Variants in RYR2 observed in about 807,000 individuals in gnomAD.
RYR2 encodes the protein ryanodine receptor 2, also known as cardiac muscle ryanodine receptor-calcium release channel.
A neutral mutation model predicts 601.1 loss-of-function variants in RYR2; 227 were observed. That is an observed-to-expected ratio of 0.38 (90% CI 0.34 to 0.42). RYR2 has a LOEUF of 0.42. Among genes scored for constraint, RYR2 ranks in the 10% least tolerant of loss-of-function variants. RYR2 has a pLI of 1.00. For missense variants in RYR2, 4,646 were observed against 6,156.5 expected (o/e 0.75, Z 8.21); for synonymous variants, 2,223 against 2,175.1 (o/e 1.02, Z -0.61).
intron 1 of RYR2, among the ~76,000 whole-genome samples, chr1:237,242,963 C>G (rs932867336): frequency 6.6e-6 from 1 of 152,142 alleles, no homozygotes; most frequent in Non-Finnish European, 1.5e-5. Flanking sequence ...TGACTTTTTC[C>G]AGGGTTGCAA....
intron 1 of RYR2, among the ~76,000 whole-genome samples, chr1:237,248,149 G>C (rs527993370): frequency 6.6e-6 from 1 of 151,986 alleles, no homozygotes; most frequent in Non-Finnish European, 1.5e-5. Context: ...GTGCACTCCT[G>C]TAATCCCAGC....
chr1:237,513,990 A>G (rs1299795419), intron 24 of RYR2, among the ~76,000 whole-genome samples: 1 of 152,240 alleles, frequency 6.6e-6, no homozygotes, highest in Non-Finnish European at 1.5e-5. Flanking sequence ...CATCAAGTAA[A>G]TTGAGAACCT....
At chr1:237,476,803 A>G (rs1300958586) in intron 17 of RYR2, among the ~76,000 whole-genome samples, 2 of 152,222 alleles carry the variant, frequency 1.3e-5, no homozygotes, top group Non-Finnish European at 2.9e-5. Context: ...AAGAGCTCAC[A>G]TGATATTTAT....
intron 24 of RYR2, among the ~76,000 whole-genome samples, chr1:237,520,054 AT>A (rs919978655): frequency 1.3e-5 from 2 of 152,120 alleles, no homozygotes; most frequent in African/African-American, 4.8e-5. Flanking sequence ...AGGTATTTTA[AT>A]TTTTATGTGG....
intron 1 of RYR2, among the ~76,000 whole-genome samples, chr1:237,198,243 C>T (rs1680777432): frequency 6.6e-6 from 1 of 152,156 alleles, no homozygotes; most frequent in East Asian, 1.9e-4. Context: ...GTGATAAATA[C>T]AGTTTTATTA....
chr1:237,300,560 T>A (rs541409083), intron 2 of RYR2, among the ~76,000 whole-genome samples: 3 of 152,186 alleles, frequency 2.0e-5, no homozygotes, highest in Non-Finnish European at 4.4e-5. Flanking sequence ...GCTCCAGTGA[T>A]AAACTTTTCA....
chr1:237,062,385 T>C (rs1159994041), intron 1 of RYR2, among the ~76,000 whole-genome samples: 2 of 152,206 alleles, frequency 1.3e-5, no homozygotes, highest in Non-Finnish European at 2.9e-5. Flanking sequence ...ATCTTTCTTT[T>C]ATATATTTAG....
rs1681489717 is a variant in RYR2, at chr1:237,641,477, C to CTTTCTTTCTTTCTT, written c.7221+477_7221+490dup. On this transcript the variant is annotated intron_variant, in intron 47 of 104. Coordinates refer to ENST00000366574, the MANE Select transcript of RYR2 (RefSeq NM_001035.3). ...TATAAATTAGTGTCTGTCTGTCTTT[C>CTTTCTTTCTTTCTT]TTTCTTTCTTTCTTTCTTTCTTTCT... Among the ~76,000 whole-genome samples, 4 of 27,504 alleles carry CTTTCTTTCTTTCTT rather than the reference C, an allele frequency of 1.5e-4. No individual in the cohort carries two copies. The Admixed American group carries it at 2.2e-3, about 15-fold the overall frequency. 18.0% of individuals were successfully genotyped at this position (27,504 alleles called of 152,430 possible). A position where few individuals can be genotyped will look rare whatever the true frequency, so the allele number is the denominator to read the frequency against.
intron 63 of RYR2, among the ~76,000 whole-genome samples, chr1:237,696,821 C>G (rs534320732): frequency 2.1e-4 from 32 of 152,230 alleles, no homozygotes; most frequent in African/African-American, 6.7e-4. Context: ...AATATATATT[C>G]TCAAGTTCTT....
intron 1 of RYR2, among the ~76,000 whole-genome samples, chr1:237,217,070 A>C (rs1285921378): frequency 6.6e-6 from 1 of 152,166 alleles, no homozygotes; most frequent in Non-Finnish European, 1.5e-5. Flanking sequence ...AAAATTGGTT[A>C]ATTGGGATTA....
chr1:237,740,744 T>C (rs1691539491), intron 79 of RYR2, among the ~76,000 whole-genome samples: 1 of 152,200 alleles, frequency 6.6e-6, no homozygotes, highest in South Asian at 2.1e-4. Context: ...TAAGCATGCT[T>C]GTTATCTGAT....
At chr1:237,789,658 C>A (rs1372281023) in intron 92 of RYR2, among the ~76,000 whole-genome samples, 1 of 123,060 alleles carries the variant, frequency 8.1e-6, no homozygotes, top group Non-Finnish European at 1.9e-5. Context: ...TGTTTAACTA[C>A]AGTTGTGTAA....
rs1202747450 is a variant in RYR2, at chr1:237,176,273, AAATATATAAAAAT to A, written c.49-94213_49-94201del. Among the ~76,000 whole-genome samples the A allele has an allele frequency of 1.3e-4, 6 of 45,590 alleles. No homozygotes were observed. In the Admixed American group the frequency reaches 1.5e-3, roughly 11 times the overall value. 29.9% of individuals were successfully genotyped at this position (45,590 alleles called of 152,430 possible). A position where few individuals can be genotyped will look rare whatever the true frequency, so the allele number is the denominator to read the frequency against. On this transcript the variant is annotated intron_variant, in intron 1 of 104. Coordinates refer to ENST00000366574, the MANE Select transcript of RYR2 (RefSeq NM_001035.3). ...AATATATATATATATATAAAAAATG[AAATATATAAAAAT>A]AATATATAAATATATATTTTTTTAT...
intron 53 of RYR2, among the ~76,000 whole-genome samples, chr1:237,656,485 A>AT (rs1284431959): frequency 2.6e-5 from 4 of 152,118 alleles, no homozygotes; most frequent in Non-Finnish European, 4.4e-5. Flanking sequence ...TCAAATGAGA[A>AT]TTTTTATGGA....
At chr1:237,058,167 T>C (rs993363658) in intron 1 of RYR2, among the ~76,000 whole-genome samples, 1 of 152,198 alleles carries the variant, frequency 6.6e-6, no homozygotes, top group African/African-American at 2.4e-5. Context: ...TAATTATGTA[T>C]ACTATTAAGC....
In RYR2 at chr1:237,347,767, G is replaced by A. The variant is rs748309131; in HGVS notation, c.274-8198G>A. ...CAGCTGTGGGAAAAACAAAAAACAAGCAAAACACCCAAACCTCCCCCAAAC... is the reference window on the plus strand; with the variant it reads ...CAGCTGTGGGAAAAACAAAAAACAAACAAAACACCCAAACCTCCCCCAAAC... On this transcript the variant is annotated intron_variant, in intron 3 of 104. Transcript: ENST00000366574. Among the ~76,000 whole-genome samples the A allele has an allele frequency of 1.4e-4, 20 of 142,744 alleles. No individual in the cohort carries two copies. In the South Asian group the frequency reaches 1.7e-3, roughly 12 times the overall value. 93.6% of individuals were successfully genotyped at this position (142,744 alleles called of 152,430 possible).
At chr1:237,594,886 G>GTTTTTTTTGTTTTTTTTTTTTTTT (rs1675642723) in intron 33 of RYR2, among the ~76,000 whole-genome samples, 9 of 60,418 alleles carry the variant, frequency 1.5e-4, no homozygotes, top group South Asian at 7.1e-4. Context: ...ATATCACTGG[G>GTTTTTTTTGTTTTTTTTTTTTTTT]TTTTTTTTTT....
chr1:237,100,337 G>A (rs112952326), intron 1 of RYR2, among the ~76,000 whole-genome samples: 1,685 of 151,714 alleles, frequency 0.011, 36 homozygotes, highest in African/African-American at 0.038. Context: ...CTCGCTTCTC[G>A]ATTCTCTCTT....
intron 98 of RYR2, among the ~76,000 whole-genome samples, chr1:237,803,655 T>A (rs1051728574): frequency 6.6e-6 from 1 of 152,116 alleles, no homozygotes; most frequent in Non-Finnish European, 1.5e-5. Context: ...CATGGCAAAT[T>A]TTCATCTTCC....
Sources: allele counts gnomAD v4.1 joint callset (sites outside exome capture counted in the v4.1 genomes callset), GRCh38; gene constraint gnomAD v4.1.1; transcripts MANE v1.5; gene names NCBI Gene and HGNC (gene_info 2026-07-23, HGNC 2026-07-21).